Variants in AGPAT3 observed in about 807,000 individuals in gnomAD.
The protein encoded by AGPAT3 is 1-acyl-sn-glycerol-3-phosphate acyltransferase gamma.
In AGPAT3, 5 loss-of-function variants were observed where a neutral mutation model predicts 47.3. That is an observed-to-expected ratio of 0.11 (90% confidence interval 0.06 to 0.22). The LOEUF (loss-of-function observed/expected upper bound fraction) is 0.22, where lower values mean the gene tolerates loss of function less well. AGPAT3 is among the 10% of genes least tolerant of loss of function. The probability of loss-of-function intolerance (pLI) is 1.00; values close to 1 mark genes in which losing one functional copy is unlikely to be tolerated. For missense variants in AGPAT3, 315 were observed against 493.0 expected, an observed-to-expected ratio of 0.64 and a Z score of 3.42; for synonymous variants, 212 against 208.3, an observed-to-expected ratio of 1.02 and a Z score of -0.15.
chr21:43,947,692 C>CTTTTTT (rs534895749), intron 2 of AGPAT3, among the ~76,000 whole-genome samples: 1 of 142,084 alleles, frequency 7.0e-6, no homozygotes, highest in Non-Finnish European at 1.5e-5. Flanking sequence ...CTTTTCTTTT[C>CTTTTTT]TTTTTTTTTT....
chr21:43,972,139 C>A (rs914720821), intron 7 of AGPAT3, among the ~76,000 whole-genome samples: 1 of 140,882 alleles, frequency 7.1e-6, no homozygotes, highest in African/African-American at 2.6e-5. Context: ...AAAGGAAGAG[C>A]CTGTTTGATT....
intron 2 of AGPAT3, among the ~76,000 whole-genome samples, chr21:43,931,343 A>G (rs191779731): frequency 1.3e-5 from 2 of 152,346 alleles, no homozygotes; most frequent in East Asian, 1.9e-4. Context: ...TTATCTGAAG[A>G]AAGATTTTAT....
At chr21:43,936,955 G>T (rs1401997501) in intron 2 of AGPAT3, among the ~76,000 whole-genome samples, 1 of 152,222 alleles carries the variant, frequency 6.6e-6, no homozygotes, top group Non-Finnish European at 1.5e-5. Flanking sequence ...TTAGAAGTAG[G>T]CTGTGGGTCC....
intron 2 of AGPAT3, among the ~76,000 whole-genome samples, chr21:43,907,920 G>A (rs1156499940): frequency 2.0e-5 from 3 of 152,188 alleles, no homozygotes; most frequent in Non-Finnish European, 4.4e-5. Context: ...GGGTGTTTGC[G>A]CGCCCTCTCC....
chr21:43,959,293 G>T (rs1601424871), intron 2 of AGPAT3, among the ~76,000 whole-genome samples: 2 of 131,676 alleles, frequency 1.5e-5, no homozygotes, highest in Admixed American at 1.5e-4. Flanking sequence ...TGTGGGGTTT[G>T]TGATGAGCTG....
chr21:43,937,875 C>T (rs2087501312), intron 2 of AGPAT3, among the ~76,000 whole-genome samples: 1 of 152,182 alleles, frequency 6.6e-6, no homozygotes, highest in Non-Finnish European at 1.5e-5. Context: ...ATAGCCATTG[C>T]CTTCTATACC....
intron 2 of AGPAT3, among the ~76,000 whole-genome samples, chr21:43,915,546 G>A (rs968317659): frequency 6.7e-6 from 1 of 149,836 alleles, no homozygotes; most frequent in Non-Finnish European, 1.5e-5. Flanking sequence ...TGAGTAGCTG[G>A]GATTACAGGC....
intron 1 of AGPAT3, among the ~76,000 whole-genome samples, chr21:43,895,087 G>A (rs996729473): frequency 3.3e-5 from 5 of 151,074 alleles, no homozygotes; most frequent in South Asian, 2.1e-4. Context: ...ATTTGTTTTC[G>A]GCATTTTATT....
intron 2 of AGPAT3, among the ~76,000 whole-genome samples, chr21:43,909,499 T>C (rs966864254): frequency 3.3e-5 from 5 of 152,130 alleles, no homozygotes; most frequent in African/African-American, 7.2e-5. Context: ...GGTTTCACCG[T>C]GTTAGCCAGG....
intron 2 of AGPAT3, among the ~76,000 whole-genome samples, chr21:43,957,832 C>G (rs1328461350): frequency 6.6e-6 from 1 of 152,234 alleles, no homozygotes; most frequent in Non-Finnish European, 1.5e-5. Context: ...CGGGTTTCCC[C>G]CTCCACACGG....
chr21:43,933,684 A>C lies in AGPAT3; in HGVS notation c.-48-25950A>C, dbSNP rs1368092927. 2.0e-5 allele frequency among the ~76,000 whole-genome samples: 3 copies of C among 151,902 alleles called. No individual in the cohort carries two copies. The highest frequency in any genetic ancestry group is 7.3e-5 in the African/African-American group (3 of 41,318). On this transcript the variant is annotated intron_variant, in intron 2 of 9. Coordinates refer to ENST00000291572, the MANE Select transcript of AGPAT3 (RefSeq NM_020132.5). This position sits in a 1 kb window ranked among gnomAD's most constrained non-coding sequence, Gnocchi z 6.0. ...CCAGTAGTCTCGGCATGTAGCAGCA[A>C]ATGTGGGAGGGGCAGCACAGGGGAA...
chr21:43,925,768 G>A (rs2087034651), intron 2 of AGPAT3, among the ~76,000 whole-genome samples: 1 of 152,252 alleles, frequency 6.6e-6, no homozygotes, highest in African/African-American at 2.4e-5. Context: ...GCCTGCGCCT[G>A]TCTCCAGCGC....
Position 43,980,947 on chromosome 21 carries a change from AAAG to A in AGPAT3, c.844-38_844-36del, listed in dbSNP as rs750173896. On this transcript the variant is annotated intron_variant, in intron 8 of 9. Transcript: ENST00000291572. ...CTCCTGCATTGAAATAATAGCTTGT[AAAG>A]AAGCCTCACGCTTCCTTTTTCTCTG... 19 of 1,552,702 alleles carry A rather than the reference AAAG, an allele frequency of 1.2e-5. No individual in the cohort carries two copies. The East Asian group carries it at 2.5e-4, about 21-fold the overall frequency.
intron 5 of AGPAT3, among the ~76,000 whole-genome samples, chr21:43,969,603 T>G (rs2089307766): frequency 6.6e-6 from 1 of 152,230 alleles, no homozygotes; most frequent in Non-Finnish European, 1.5e-5. Flanking sequence ...TCTTTTTCTG[T>G]CCCTTCTTCC....
At chr21:43,949,655 G>A (rs2088088483) in intron 2 of AGPAT3, among the ~76,000 whole-genome samples, 1 of 152,248 alleles carries the variant, frequency 6.6e-6, no homozygotes, top group Non-Finnish European at 1.5e-5. Context: ...TTCAGGGAAG[G>A]GGTGGTTGCA....
intron 8 of AGPAT3, 58 bp downstream of exon 8, chr21:43,978,179 G>C: frequency 6.6e-7 from 1 of 1,516,624 alleles, no homozygotes; most frequent in Non-Finnish European, 9.1e-7. Flanking sequence ...TGTGGAAGGG[G>C]TGCTGGCGAG....
chr21:43,888,107 C>T (rs919288642), intron 1 of AGPAT3, among the ~76,000 whole-genome samples: 2 of 152,222 alleles, frequency 1.3e-5, no homozygotes, highest in East Asian at 1.9e-4. Context: ...GTGGCACAGT[C>T]GCAGCTCCCT....
chr21:43,957,920 G>A (rs965802060), intron 2 of AGPAT3, among the ~76,000 whole-genome samples: 9 of 152,200 alleles, frequency 5.9e-5, no homozygotes, highest in South Asian at 4.1e-4. Context: ...ACTGTGAGAC[G>A]TGCGTAGAAG....
rs935516095 is a variant in AGPAT3, at chr21:43,982,646, C to T, written c.*254C>T. ...TGGGTCCGGCCGGAGAGGCCTCCCG[C>T]GGACGCCGTCTCTCCAGAACTCCGC... On this transcript the variant is annotated 3_prime_UTR_variant, in exon 10 of 10. Coordinates refer to ENST00000291572, the MANE Select transcript of AGPAT3 (RefSeq NM_020132.5). This position sits in a 1 kb window ranked among gnomAD's most constrained non-coding sequence, Gnocchi z 6.2. The T allele has an allele frequency of 1.8e-5, 6 of 329,406 alleles. No homozygotes were observed. The highest frequency in any genetic ancestry group is 6.6e-5 in the African/African-American group (3 of 45,770). 20.4% of individuals were successfully genotyped at this position (329,406 alleles called of 1,614,324 possible).
Sources: gnomAD v4.1 joint callset for allele counts (sites outside exome capture counted in the v4.1 genomes callset) on GRCh38, gnomAD v4.1.1 for gene constraint, Gnocchi (gnomAD v3.1) non-coding constraint, MANE v1.5 for transcripts, NCBI Gene and HGNC (gene_info 2026-07-23, HGNC 2026-07-21) for gene names.